Variants in AGBL4 observed in about 807,000 individuals in gnomAD.
AGBL4 encodes AGBL carboxypeptidase 4.
AGBL4 carries 58 observed loss-of-function variants against 66.4 expected under a neutral mutation model. That is an observed-to-expected ratio of 0.87 (90% CI 0.71 to 1.09). The LOEUF (loss-of-function observed/expected upper bound fraction) is 1.09. Ranked by LOEUF, AGBL4 falls within the 50% of genes least tolerant of loss-of-function variation. The probability of loss-of-function intolerance (pLI) is 0.00; values close to 1 mark genes in which losing one functional copy is unlikely to be tolerated. For missense variants in AGBL4, 579 were observed against 631.0 expected, an observed-to-expected ratio of 0.92 and a Z score of 0.88; for synonymous variants, 234 against 222.9, an observed-to-expected ratio of 1.05 and a Z score of -0.44.
At chr1:49,932,768 T>A (rs1027153546) in intron 1 of AGBL4, among the ~76,000 whole-genome samples, 3 of 152,098 alleles carry the variant, frequency 2.0e-5, no homozygotes, top group Non-Finnish European at 4.4e-5. Context: ...AATACCATTA[T>A]CAAACCCAAC....
At chr1:49,458,775 G>A (rs1012309668) in intron 3 of AGBL4, among the ~76,000 whole-genome samples, 5 of 151,656 alleles carry the variant, frequency 3.3e-5, no homozygotes, top group African/African-American at 9.7e-5. Flanking sequence ...ATAAAGGGAT[G>A]GTGGATTTTG....
intron 3 of AGBL4, among the ~76,000 whole-genome samples, chr1:49,436,129 G>A (rs910693199): frequency 6.6e-6 from 1 of 152,118 alleles, no homozygotes; most frequent in African/African-American, 2.4e-5. Flanking sequence ...AGAGAGAGGG[G>A]AAGTGTAGAA....
chr1:48,725,185 C>A (rs1020276516), intron 6 of AGBL4, among the ~76,000 whole-genome samples: 3 of 152,148 alleles, frequency 2.0e-5, no homozygotes, highest in Non-Finnish European at 2.9e-5. Flanking sequence ...CCATCCATTT[C>A]TTTTTAATAT....
intron 5 of AGBL4, among the ~76,000 whole-genome samples, chr1:49,011,586 G>A (rs1278314720): frequency 6.6e-6 from 1 of 152,068 alleles, no homozygotes; most frequent in East Asian, 1.9e-4. Flanking sequence ...GCACACATAT[G>A]TTTATTGCGG....
At chr1:48,983,540 G>GA (rs560724776) in intron 5 of AGBL4, among the ~76,000 whole-genome samples, 163 of 152,086 alleles carry the variant, frequency 1.1e-3, no homozygotes, top group African/African-American at 3.5e-3. Context: ...AATTATGGGG[G>GA]AAAAAAACCT....
At chr1:48,626,720 A>T (rs888345559) in intron 9 of AGBL4, among the ~76,000 whole-genome samples, 1 of 152,174 alleles carries the variant, frequency 6.6e-6, no homozygotes, top group African/African-American at 2.4e-5. Context: ...CATATTCCCA[A>T]CCCCATTTAC....
At chr1:49,611,338 G>C (rs1240164609) in intron 3 of AGBL4, among the ~76,000 whole-genome samples, 2 of 150,378 alleles carry the variant, frequency 1.3e-5, no homozygotes, top group East Asian at 3.9e-4. Context: ...AAAACACGGT[G>C]AATAGCCCAG....
chr1:48,699,323 G>A (rs1422159546), intron 6 of AGBL4, among the ~76,000 whole-genome samples: 1 of 152,170 alleles, frequency 6.6e-6, no homozygotes, highest in Non-Finnish European at 1.5e-5. Context: ...TTGTGGCGAT[G>A]CTGTAAGAAT....
chr1:48,697,894 G>C (rs1161851740), intron 6 of AGBL4, among the ~76,000 whole-genome samples: 1 of 152,122 alleles, frequency 6.6e-6, no homozygotes, highest in Non-Finnish European at 1.5e-5. Context: ...GAATATTTGA[G>C]AAAAAAACGT....
chr1:48,874,304 C>T (rs1255725997), intron 5 of AGBL4, among the ~76,000 whole-genome samples: 3 of 146,100 alleles, frequency 2.1e-5, no homozygotes, highest in Non-Finnish European at 4.5e-5. Flanking sequence ...CTAGGGATCC[C>T]ATGCCCTGCT....
intron 6 of AGBL4, among the ~76,000 whole-genome samples, chr1:48,672,196 C>T (rs528714120): frequency 3.9e-5 from 6 of 152,344 alleles, no homozygotes; most frequent in African/African-American, 1.4e-4. Context: ...GTTCAGCCTG[C>T]CTGCTAGTCA....
At chr1:50,003,234 T>C (rs1238658248) in intron 1 of AGBL4, among the ~76,000 whole-genome samples, 2 of 152,252 alleles carry the variant, frequency 1.3e-5, no homozygotes, top group Non-Finnish European at 2.9e-5. Flanking sequence ...CATTATTAAA[T>C]TCCCCATAAC....
chr1:49,513,347 T>C (rs1290095094), intron 3 of AGBL4, among the ~76,000 whole-genome samples: 1 of 151,984 alleles, frequency 6.6e-6, no homozygotes, highest in African/African-American at 2.4e-5. Context: ...TGCATGATGC[T>C]GGGATTTGGA....
chr1:49,568,355 G>C (rs548033564), intron 3 of AGBL4, among the ~76,000 whole-genome samples: 1 of 151,722 alleles, frequency 6.6e-6, no homozygotes, highest in African/African-American at 2.4e-5. Flanking sequence ...GTCATGCTGA[G>C]AGCCAAATCA....
At chr1:49,505,653 C>T (rs1419881541) in intron 3 of AGBL4, among the ~76,000 whole-genome samples, 1 of 151,922 alleles carries the variant, frequency 6.6e-6, no homozygotes, top group African/African-American at 2.4e-5. Flanking sequence ...TTGCTGTTTT[C>T]AGGATTCTCT....
intron 6 of AGBL4, among the ~76,000 whole-genome samples, chr1:48,827,038 G>A (rs1267850354): frequency 1.3e-5 from 2 of 152,138 alleles, no homozygotes; most frequent in African/African-American, 2.4e-5. Context: ...AACAAGTCAA[G>A]ATCTTGTTTG....
At chr1:48,851,080 G>T (rs770670295) in intron 6 of AGBL4, among the ~76,000 whole-genome samples, 10 of 152,162 alleles carry the variant, frequency 6.6e-5, no homozygotes, top group Non-Finnish European at 1.3e-4. Context: ...CACTTGTAGT[G>T]GTTGTCATTA....
chr1:49,112,538 T>C (rs1645433438), intron 4 of AGBL4, among the ~76,000 whole-genome samples: 1 of 152,228 alleles, frequency 6.6e-6, no homozygotes, highest in Non-Finnish European at 1.5e-5. Context: ...TTTGACAGCA[T>C]TTTACCCACA....
chr1:49,874,761 T>C (rs1051806996), intron 1 of AGBL4, among the ~76,000 whole-genome samples: 1 of 152,274 alleles, frequency 6.6e-6, no homozygotes, highest in Middle Eastern at 3.4e-3. Context: ...AAATGGTTCA[T>C]GTACATCACA....
Sources: gnomAD v4.1 joint callset for allele counts (sites outside exome capture counted in the v4.1 genomes callset) on GRCh38, gnomAD v4.1.1 for gene constraint, MANE v1.5 for transcripts, NCBI Gene and HGNC (gene_info 2026-07-23, HGNC 2026-07-21) for gene names.